The following PAK1 variants were observed in gnomAD, a reference collection of about 807,000 sequenced individuals.
PAK1 encodes the protein p21 (RAC1) activated kinase 1.
PAK1 carries 29 observed loss-of-function variants against 67.4 expected under a neutral mutation model. The ratio of observed to expected loss-of-function variants is 0.43; its 90% CI spans 0.32 to 0.59. The LOEUF (loss-of-function observed/expected upper bound fraction) is 0.59, where lower values mean the gene tolerates loss of function less well. PAK1 is among the 20% of genes least tolerant of loss of function. The pLI is 0.07. For synonymous variants in PAK1, 223 were observed against 237.4 expected (o/e 0.94, Z 0.56); for missense variants, 337 against 670.7 (o/e 0.50, Z 5.50).
chr11:77,374,145 C>G lies in PAK1; in HGVS notation c.477+183G>C, dbSNP rs190621414. On this transcript the variant is annotated intron_variant, in intron 5 of 14. Transcript: ENST00000356341. ...AGAAAGAATTTCTAGGACATTAAAG[C>G]TGAAAGGGATACCCCCTATTTATTA... Among the ~76,000 whole-genome samples, 222 of 152,194 alleles carry G rather than the reference C, an allele frequency of 1.5e-3. 1 individual carries two copies. Among genetic ancestry groups the G allele is most frequent in the African/African-American group, 5.0e-3 (208 of 41,524 alleles).
intron 5 of PAK1, among the ~76,000 whole-genome samples, chr11:77,361,874 C>T (rs1194591135): frequency 6.6e-6 from 1 of 152,124 alleles, no homozygotes; most frequent in Non-Finnish European, 1.5e-5. Flanking sequence ...ACCATCTCCA[C>T]TGCCTTAAAT....
At chr11:77,513,670 CAAAAAAAAAAAAAAA>C in the PAK1 span, among the ~76,000 whole-genome samples, 1 of 52,928 alleles carries the variant, frequency 1.9e-5, no homozygotes, top group Non-Finnish European at 3.1e-5. Context: ...GACTCTGTCT[CAAAAAAAAAAAAAAA>C]AAAAAAAAAA....
chr11:77,350,773 G>A (rs1591834094), intron 8 of PAK1, among the ~76,000 whole-genome samples: 1 of 152,126 alleles, frequency 6.6e-6, no homozygotes, highest in Non-Finnish European at 1.5e-5. Flanking sequence ...CCTAGAAACT[G>A]TGACTATAAC....
At chr11:77,524,408 C>T in the PAK1 span, among the ~76,000 whole-genome samples, 177 of 152,354 alleles carry the variant, frequency 1.2e-3, no homozygotes, top group African/African-American at 4.2e-3. Flanking sequence ...CATCCATCTC[C>T]TAGCATGCCT....
At chr11:77,355,606 A>G in intron 7 of PAK1, 62 bp downstream of exon 7, 2 of 1,400,794 alleles carry the variant, frequency 1.4e-6, no homozygotes, top group Non-Finnish European at 2.0e-6. Context: ...TACGACCAGC[A>G]AATCTCTGTG....
At chr11:77,393,089 T>C (rs1349581127) in intron 1 of PAK1, among the ~76,000 whole-genome samples, 2 of 152,206 alleles carry the variant, frequency 1.3e-5, no homozygotes, top group African/African-American at 2.4e-5. Flanking sequence ...CACCCATTCA[T>C]TTATAAATTG....
chr11:77,344,084 G>C, intron 9 of PAK1, 153 bp from the exon 10 acceptor site: 1 of 577,008 alleles, frequency 1.7e-6, no homozygotes, highest in African/African-American at 1.9e-5. Context: ...GTAGACCAGT[G>C]GTCTTCAAAG....
At chr11:77,368,201 A>G (rs1947872819) in intron 5 of PAK1, among the ~76,000 whole-genome samples, 1 of 152,228 alleles carries the variant, frequency 6.6e-6, no homozygotes, top group South Asian at 2.1e-4. Context: ...GGTGACAAAG[A>G]CGACCCTACA....
chr11:77,528,096 C>T, the PAK1 span, among the ~76,000 whole-genome samples: 141 of 152,222 alleles, frequency 9.3e-4, no homozygotes, highest in African/African-American at 3.2e-3. Flanking sequence ...AGCAATCCTA[C>T]AGTCATGGGC....
chr11:77,355,833 G>A lies in PAK1; in HGVS notation c.607C>T (p.Arg203Trp), dbSNP rs1945960501. Reference sequence around the variant, plus strand: ...ACAGGAAGTGGTTCAATCACAGACCGTGTGTATACCTGCATTATTAGTGCA... The same window carrying A: ...ACAGGAAGTGGTTCAATCACAGACCATGTGTATACCTGCATTATTAGTGCA... ...RPEHTKSVYT[R>W]SVIEPLPVTP... Residue 203 changes from arginine (R) to tryptophan (W), a missense_variant, in exon 7 of 15, where the codon CGG becomes TGG. Physicochemically the swap from Arg to Trp is moderately radical, Grantham distance 101. Transcript: ENST00000356341. 2.5e-6 allele frequency: 4 copies of A among 1,613,150 alleles called. No homozygotes were observed. Among genetic ancestry groups the A allele is most frequent in the East Asian group, 4.5e-5 (2 of 44,862 alleles).
At chr11:77,362,914 A>G (rs2136678888) in intron 5 of PAK1, among the ~76,000 whole-genome samples, 2 of 152,322 alleles carry the variant, frequency 1.3e-5, no homozygotes, top group Middle Eastern at 6.8e-3. Context: ...AACTGACTTA[A>G]ACCATTAGCC....
At chr11:77,439,292 A>C (rs1956257886) in intron 1 of PAK1, among the ~76,000 whole-genome samples, 1 of 152,198 alleles carries the variant, frequency 6.6e-6, no homozygotes, top group Non-Finnish European at 1.5e-5. Flanking sequence ...TTTAAAACCA[A>C]AAAGCCAAAA....
chr11:77,425,640 C>T (rs1029391568), intron 1 of PAK1, among the ~76,000 whole-genome samples: 1 of 152,120 alleles, frequency 6.6e-6, no homozygotes, highest in Non-Finnish European at 1.5e-5. Flanking sequence ...ATCTCTTATC[C>T]TTAGTGAAAT....
At chr11:77,371,936 T>C (rs1437424272) in intron 5 of PAK1, among the ~76,000 whole-genome samples, 1 of 152,200 alleles carries the variant, frequency 6.6e-6, no homozygotes, top group Non-Finnish European at 1.5e-5. Flanking sequence ...AAGACCTCAA[T>C]GACATCTTTT....
chr11:77,393,052 G>A (rs1951339476), intron 1 of PAK1, among the ~76,000 whole-genome samples: 1 of 151,278 alleles, frequency 6.6e-6, no homozygotes, highest in African/African-American at 2.4e-5. Flanking sequence ...TGCTGTTTTT[G>A]TAGATAGTTT....
chr11:77,350,042 T>C (rs1269129406), intron 8 of PAK1, among the ~76,000 whole-genome samples: 3 of 152,096 alleles, frequency 2.0e-5, no homozygotes, highest in Non-Finnish European at 2.9e-5. Flanking sequence ...AAACTATAAA[T>C]AGTAAAAAAC....
At chr11:77,324,544 T>TA (rs1939233702) in intron 14 of PAK1, among the ~76,000 whole-genome samples, 1 of 152,022 alleles carries the variant, frequency 6.6e-6, no homozygotes, top group African/African-American at 2.4e-5. Context: ...CATTTAGTAG[T>TA]AAAAAAGCTT....
intron 12 of PAK1, among the ~76,000 whole-genome samples, chr11:77,336,647 T>C (rs970539950): frequency 6.6e-6 from 1 of 152,182 alleles, no homozygotes; most frequent in Non-Finnish European, 1.5e-5. Flanking sequence ...TAGGTCCTTG[T>C]CTTATTCCTT....
chr11:77,501,414 G>A, the PAK1 span, among the ~76,000 whole-genome samples: 18 of 152,278 alleles, frequency 1.2e-4, no homozygotes, highest in South Asian at 3.7e-3. Context: ...CCCTGTGGTG[G>A]CATCTTTTCT....
Sources: allele counts gnomAD v4.1 joint callset (sites outside exome capture counted in the v4.1 genomes callset), GRCh38; gene constraint gnomAD v4.1.1; transcripts MANE v1.5; gene names NCBI Gene and HGNC (gene_info 2026-07-23, HGNC 2026-07-21).